PBX1: variants seen among roughly 807,000 people sequenced by gnomAD.
PBX1 encodes the protein PBX homeobox 1, also known as pre-B-cell leukemia transcription factor 1.
In PBX1, 6 loss-of-function variants were observed where a neutral mutation model predicts 53.4. The observed-to-expected ratio is 0.11, with a 90% CI of 0.06 to 0.22. PBX1 has a LOEUF of 0.22. Ranked by LOEUF, PBX1 falls within the 10% of genes least tolerant of loss-of-function variation. PBX1 has a pLI of 1.00. For missense variants in PBX1, 251 were observed against 551.4 expected (o/e 0.46, Z 5.46); for synonymous variants, 204 against 212.3 (o/e 0.96, Z 0.34).
At chr1:164,625,102 G>T (rs1240314330) in intron 2 of PBX1, among the ~76,000 whole-genome samples, 3 of 152,148 alleles carry the variant, frequency 2.0e-5, no homozygotes, top group East Asian at 3.9e-4. Flanking sequence ...GGGCATAGGT[G>T]GCACTAGCTT....
chr1:164,682,096 G>C (rs1188633499), intron 2 of PBX1: 1 of 152,168 alleles, frequency 6.6e-6, no homozygotes, highest in African/African-American at 2.4e-5. Flanking sequence ...ACATACAATG[G>C]TAACATAATT....
At chr1:164,573,421 C>A (rs1296543672) in intron 2 of PBX1, among the ~76,000 whole-genome samples, 1 of 139,426 alleles carries the variant, frequency 7.2e-6, no homozygotes, top group East Asian at 2.2e-4. Context: ...ATTTTACATT[C>A]TTTTTTTGTG....
intron 2 of PBX1, among the ~76,000 whole-genome samples, chr1:164,601,286 C>T (rs1356960037): frequency 4.0e-5 from 6 of 148,168 alleles, no homozygotes; most frequent in Non-Finnish European, 8.9e-5. Context: ...TGAACTTAAC[C>T]TGAGATTAAC....
intron 2 of PBX1, among the ~76,000 whole-genome samples, chr1:164,598,915 A>G (rs1166078675): frequency 6.6e-6 from 1 of 152,190 alleles, no homozygotes; most frequent in African/African-American, 2.4e-5. Flanking sequence ...ACAGAGGCTC[A>G]GTTGCCCCAG....
At chr1:164,647,145 T>C (rs1371721757) in intron 2 of PBX1, among the ~76,000 whole-genome samples, 2 of 152,232 alleles carry the variant, frequency 1.3e-5, no homozygotes, top group Non-Finnish European at 2.9e-5. Context: ...GTGCAGAGAA[T>C]AGACCAATGC....
intron 2 of PBX1, among the ~76,000 whole-genome samples, chr1:164,696,151 G>T (rs761090696): frequency 2.0e-4 from 31 of 152,206 alleles, no homozygotes; most frequent in Non-Finnish European, 4.0e-4. Context: ...GTAAAAATGT[G>T]CCGGATGTAC....
intron 2 of PBX1, among the ~76,000 whole-genome samples, chr1:164,732,801 A>G (rs573127092): frequency 4.6e-5 from 7 of 152,252 alleles, no homozygotes; most frequent in African/African-American, 1.7e-4. Context: ...GAGAACCTAC[A>G]GAAATTACAG....
At chr1:164,874,664 T>C (rs1005101181) in intron 2 of PBX1, among the ~76,000 whole-genome samples, 4 of 152,148 alleles carry the variant, frequency 2.6e-5, no homozygotes, top group Non-Finnish European at 5.9e-5. Flanking sequence ...CAGCTAATTT[T>C]TGTATTTTTG....
intron 2 of PBX1, among the ~76,000 whole-genome samples, chr1:164,752,756 C>T (rs1037468326): frequency 2.0e-5 from 3 of 152,160 alleles, no homozygotes; most frequent in African/African-American, 7.2e-5. Context: ...GATAGGAGTG[C>T]AGTGAATCAG....
chr1:164,663,641 A>G (rs1446533349), intron 2 of PBX1, among the ~76,000 whole-genome samples: 2 of 152,228 alleles, frequency 1.3e-5, no homozygotes, highest in Admixed American at 6.5e-5. Flanking sequence ...CAATTAAAAC[A>G]TTTATGAGAT....
chr1:164,779,542 A>T (rs1261118872), intron 2 of PBX1, among the ~76,000 whole-genome samples: 2 of 152,212 alleles, frequency 1.3e-5, no homozygotes, highest in Non-Finnish European at 2.9e-5. Flanking sequence ...GCTAGAAAGC[A>T]GGCAGCACCG....
At chr1:164,658,591 G>C (rs1292775307) in intron 2 of PBX1, among the ~76,000 whole-genome samples, 1 of 152,138 alleles carries the variant, frequency 6.6e-6, no homozygotes, top group Non-Finnish European at 1.5e-5. Flanking sequence ...TACACAGCAT[G>C]GTGTCACATG....
intron 2 of PBX1, among the ~76,000 whole-genome samples, chr1:164,761,403 A>C (rs1481201385): frequency 6.6e-6 from 1 of 152,208 alleles, no homozygotes; most frequent in East Asian, 1.9e-4. Flanking sequence ...GTTTTTGGAC[A>C]TTCTAAAAAA....
intron 2 of PBX1, among the ~76,000 whole-genome samples, chr1:164,726,352 T>G (rs1396369715): frequency 1.3e-5 from 2 of 152,232 alleles, no homozygotes; most frequent in Non-Finnish European, 2.9e-5. Context: ...CTAAGTCTAC[T>G]TGTACATTAC....
intron 2 of PBX1, among the ~76,000 whole-genome samples, chr1:164,778,636 CA>C (rs35701840): frequency 0.078 from 10,643 of 136,148 alleles, 649 homozygotes; most frequent in African/African-American, 0.18. Context: ...GACCCTTTCT[CA>C]AAAAAAAAAA....
chr1:164,810,501 C>T (rs1669556013), intron 5 of PBX1, among the ~76,000 whole-genome samples: 1 of 152,034 alleles, frequency 6.6e-6, no homozygotes, highest in African/African-American at 2.4e-5. Flanking sequence ...ATAATTGGAC[C>T]TCAGGTATTT....
intron 2 of PBX1, chr1:164,674,850 C>A (rs1661332198): frequency 4.3e-5 from 1 of 23,276 alleles, no homozygotes; most frequent in Non-Finnish European, 9.1e-5. Context: ...AATCACAGCC[C>A]CCCCCCCCCC....
intron 8 of PBX1, among the ~76,000 whole-genome samples, chr1:164,821,985 C>T (rs1670179050): frequency 6.6e-6 from 1 of 151,880 alleles, no homozygotes; most frequent in African/African-American, 2.4e-5. Context: ...GAGGTGAAAC[C>T]AGTAGCCAAA....
At chr1:164,639,093 T>C (rs577831655) in intron 2 of PBX1, among the ~76,000 whole-genome samples, 42 of 152,338 alleles carry the variant, frequency 2.8e-4, no homozygotes, top group African/African-American at 1.0e-3. Context: ...CTTGTTCATC[T>C]GAACCTTACC....
Sources: gnomAD v4.1 joint callset for allele counts (sites outside exome capture counted in the v4.1 genomes callset) on GRCh38, gnomAD v4.1.1 for gene constraint, MANE v1.5 for transcripts, NCBI Gene and HGNC (gene_info 2026-07-23, HGNC 2026-07-21) for gene names.